DIXDC1: variants seen among roughly 807,000 people sequenced by gnomAD.
DIXDC1 encodes dixin.
Under a neutral mutation model 103.1 loss-of-function variants are expected in DIXDC1, and 64 were observed. The ratio of observed to expected loss-of-function variants is 0.62; its 90% CI spans 0.51 to 0.76. DIXDC1 has a LOEUF of 0.76. Among genes scored for constraint, DIXDC1 ranks in the 30% least tolerant of loss-of-function variants. The probability of loss-of-function intolerance (pLI) is 0.00; values close to 1 mark genes in which losing one functional copy is unlikely to be tolerated. For missense variants in DIXDC1, 759 were observed against 834.2 expected, an observed-to-expected ratio of 0.91 and a Z score of 1.11; for synonymous variants, 266 against 298.5, an observed-to-expected ratio of 0.89 and a Z score of 1.12.
At chr11:111,997,467 C>G (rs587689203) in intron 17 of DIXDC1, among the ~76,000 whole-genome samples, 4 of 152,296 alleles carry the variant, frequency 2.6e-5, no homozygotes, top group African/African-American at 9.6e-5. Flanking sequence ...TCCCCAGTAG[C>G]TGGGATTACA....
intron 1 of DIXDC1, among the ~76,000 whole-genome samples, chr11:111,942,146 T>G (rs1441319012): frequency 2.0e-5 from 3 of 152,114 alleles, no homozygotes; most frequent in East Asian, 3.8e-4. Flanking sequence ...ATTTCTCCTC[T>G]CCCCACCCAG....
chr11:111,946,410 A>T (rs1230483444), intron 1 of DIXDC1, among the ~76,000 whole-genome samples: 1 of 151,936 alleles, frequency 6.6e-6, no homozygotes, highest in Non-Finnish European at 1.5e-5. Context: ...TTTTATTAGA[A>T]ATGGGGCTTT....
chr11:112,009,507 AAAAG>A (rs1186885988), intron 17 of DIXDC1, among the ~76,000 whole-genome samples: 3 of 152,336 alleles, frequency 2.0e-5, no homozygotes, highest in African/African-American at 7.2e-5. Flanking sequence ...CATAACAAAA[AAAAG>A]AGAATTTTAG....
intron 1 of DIXDC1, among the ~76,000 whole-genome samples, chr11:111,952,233 T>C (rs782348886): frequency 6.6e-6 from 1 of 152,334 alleles, no homozygotes; most frequent in African/African-American, 2.4e-5. Context: ...ACTAATACAA[T>C]GTTCTTGAGT....
intron 17 of DIXDC1, among the ~76,000 whole-genome samples, chr11:112,008,409 A>T (rs1861309589): frequency 6.6e-6 from 1 of 151,824 alleles, no homozygotes; most frequent in African/African-American, 2.4e-5. Flanking sequence ...AACGAGACAG[A>T]TTAACAAGGA....
chr11:111,989,120 G>T, intron 10 of DIXDC1, 65 bp downstream of exon 10: 1 of 1,388,560 alleles, frequency 7.2e-7, no homozygotes, highest in Non-Finnish European at 9.7e-7. Flanking sequence ...CTGTTGGTGA[G>T]TGGTGAGAGT....
At position 111,958,027 on chromosome 11, in the gene DIXDC1, T is replaced by C. The variant is rs1401255588; in HGVS notation, c.61-6522T>C. On this transcript the variant is annotated intron_variant, in intron 1 of 19. Transcript: ENST00000440460. The surrounding 1 kb of genome is among the most constrained non-coding windows in gnomAD (Gnocchi z 4.2). ...GAGCTTTATGCTCTCTGGGTGCAGCTGCAGCTGTCCAGCTGTAGCTGCAGA... is the reference window on the plus strand; with the variant it reads ...GAGCTTTATGCTCTCTGGGTGCAGCCGCAGCTGTCCAGCTGTAGCTGCAGA... Among the ~76,000 whole-genome samples, 1 of 152,172 alleles carries C rather than the reference T, an allele frequency of 6.6e-6. No individual in the cohort carries two copies. The highest frequency in any genetic ancestry group is 1.5e-5 in the Non-Finnish European group (1 of 68,012).
chr11:111,988,055 A>G (rs1860557727), intron 9 of DIXDC1, among the ~76,000 whole-genome samples: 1 of 151,898 alleles, frequency 6.6e-6, no homozygotes, highest in African/African-American at 2.4e-5. Context: ...GCTGAGTGCC[A>G]TGGCACGATC....
chr11:111,985,279 C>G lies in DIXDC1; in HGVS notation c.966C>G (p.Pro322=). ...TACCTGAAGATGAACAGGAGAGGCC[C>G]TTGGCCCTCTGTGAACCAGGTGTCA... ...GSLPEDEQER[P]LALCEPGVNP... The change falls in exon 8 of 20, where the codon CCC becomes CCG. Residue 322 remains proline (P), a synonymous_variant. Coordinates refer to ENST00000440460, the MANE Select transcript of DIXDC1 (RefSeq NM_001037954.4). The G allele has an allele frequency of 6.2e-7, 1 of 1,613,702 alleles. No individual in the cohort carries two copies. Among genetic ancestry groups the G allele is most frequent in the Non-Finnish European group, 8.5e-7 (1 of 1,179,806 alleles).
chr11:111,929,983 G>T, intron 2 of DIXDC1: 4 of 1,377,112 alleles, frequency 2.9e-6, no homozygotes, highest in South Asian at 1.3e-5. Flanking sequence ...TACTTCTGGG[G>T]ATTTCTCCAT....
Position 112,021,615 on chromosome 11 carries a change from G to A in DIXDC1, c.*2579G>A, listed in dbSNP as rs1861763376. 6.6e-6 allele frequency: 1 copy of A among 152,184 alleles called. No individual in the cohort carries two copies. The highest frequency in any genetic ancestry group is 1.5e-5 in the Non-Finnish European group (1 of 68,032). The allele number at this position is 152,184 out of a possible 1,614,324, so 9.4% of individuals were successfully genotyped here. On this transcript the variant is annotated 3_prime_UTR_variant, in exon 20 of 20. Coordinates refer to ENST00000440460, the MANE Select transcript of DIXDC1 (RefSeq NM_001037954.4). ...GTTCATAAAATAATCTCTAAACCAT[G>A]TTAGGTTAAAACAAAATGACCATCT...
At chr11:111,927,330 C>A (rs1206795124) in exon 1 of DIXDC1, 1 of 152,340 alleles carries the variant, frequency 6.6e-6, no homozygotes, top group African/African-American at 2.4e-5. Flanking sequence ...ACTGGCAGGC[C>A]GAGCTCAGGA....
chr11:111,996,003 A>C, intron 16 of DIXDC1, 77 bp from the exon 17 acceptor site: 1 of 1,344,894 alleles, frequency 7.4e-7, no homozygotes, highest in Non-Finnish European at 1.1e-6. Context: ...TATTTTAAGC[A>C]CACTTTTATG....
upstream of DIXDC1, among the ~76,000 whole-genome samples, chr11:111,932,684 G>A (rs1336549251): frequency 1.3e-5 from 2 of 151,884 alleles, no homozygotes; most frequent in African/African-American, 2.4e-5. Context: ...TTACTTTGGC[G>A]ACATCCTACT....
intron 12 of DIXDC1, 117 bp downstream of exon 12, chr11:111,993,121 C>T (rs1378445039): frequency 2.5e-6 from 3 of 1,210,202 alleles, no homozygotes; most frequent in East Asian, 5.1e-5. Flanking sequence ...TTTTTTTTAT[C>T]CTTGCTTTTT....
chr11:111,936,639 C>T (rs1457042085), upstream of DIXDC1, among the ~76,000 whole-genome samples: 3 of 152,168 alleles, frequency 2.0e-5, no homozygotes, highest in African/African-American at 7.2e-5. Flanking sequence ...AACTAAAGTT[C>T]TTTTTATCCT....
chr11:112,020,040 T>A lies in DIXDC1; in HGVS notation c.*1004T>A, dbSNP rs1199543826. On this transcript the variant is annotated 3_prime_UTR_variant, in exon 20 of 20. Transcript: ENST00000440460. ...CAAGGCCAGAGTTATTTTCTATTTA[T>A]GTATTAGTCTAGGCTGATCTTTTAG... 6.6e-6 allele frequency: 1 copy of A among 152,176 alleles called. No individual in the cohort carries two copies. The highest frequency in any genetic ancestry group is 1.5e-5 in the Non-Finnish European group (1 of 68,048). 9.4% of individuals were successfully genotyped at this position (152,176 alleles called of 1,614,324 possible). A position where few individuals can be genotyped will look rare whatever the true frequency, so the allele number is the denominator to read the frequency against.
intron 1 of DIXDC1, among the ~76,000 whole-genome samples, chr11:111,952,518 C>A (rs1313432639): frequency 1.3e-5 from 2 of 152,064 alleles, no homozygotes; most frequent in Non-Finnish European, 2.9e-5. Flanking sequence ...GAGACCCTGT[C>A]TCTACAAAAA....
intron 17 of DIXDC1, among the ~76,000 whole-genome samples, chr11:112,007,383 T>G (rs769559632): frequency 6.6e-6 from 1 of 152,134 alleles, no homozygotes; most frequent in African/African-American, 2.4e-5. Flanking sequence ...AAAACACTGT[T>G]CAGGATATTA....
Sources: allele counts gnomAD v4.1 joint callset (sites outside exome capture counted in the v4.1 genomes callset), GRCh38; gene constraint gnomAD v4.1.1; non-coding constraint Gnocchi (gnomAD v3.1); transcripts MANE v1.5; gene names NCBI Gene and HGNC (gene_info 2026-07-23, HGNC 2026-07-21).